Variants in FNDC3B observed in about 807,000 individuals in gnomAD.
The protein encoded by FNDC3B is fibronectin type III domain containing 3B.
Under a neutral mutation model 151.5 loss-of-function variants are expected in FNDC3B, and 12 were observed. The observed-to-expected ratio is 0.08, with a 90% CI of 0.05 to 0.13. The LOEUF (loss-of-function observed/expected upper bound fraction) is 0.13. Among genes scored for constraint, FNDC3B ranks in the 10% least tolerant of loss-of-function variants. FNDC3B has a pLI of 1.00. For synonymous variants in FNDC3B, 528 were observed against 549.0 expected (o/e 0.96, Z 0.54); for missense variants, 1,214 against 1,505.3 (o/e 0.81, Z 3.20).
intron 3 of FNDC3B, among the ~76,000 whole-genome samples, chr3:172,214,027 G>A (rs781371669): frequency 6.6e-5 from 10 of 152,108 alleles, no homozygotes; most frequent in African/African-American, 9.7e-5. Flanking sequence ...AAAGCAGTCT[G>A]GTGCCTCTCA....
intron 3 of FNDC3B, among the ~76,000 whole-genome samples, chr3:172,197,941 G>A (rs1560013574): frequency 6.6e-6 from 1 of 152,154 alleles, no homozygotes. Context: ...ATTTTGTAAG[G>A]TGGTAGTTCA....
intron 25 of FNDC3B, among the ~76,000 whole-genome samples, chr3:172,384,906 T>A (rs1735629729): frequency 6.6e-6 from 1 of 152,204 alleles, no homozygotes; most frequent in South Asian, 2.1e-4. Context: ...AAAGTGTTCC[T>A]TGTTGTAAAC....
intron 3 of FNDC3B, among the ~76,000 whole-genome samples, chr3:172,186,182 CT>C (rs1172308810): frequency 6.6e-6 from 1 of 152,070 alleles, no homozygotes; most frequent in Non-Finnish European, 1.5e-5. Context: ...GAACAAAAGC[CT>C]TTTTCTCTTA....
chr3:172,316,472 C>G (rs1731794019), intron 11 of FNDC3B: 1 of 455,818 alleles, frequency 2.2e-6, no homozygotes, highest in African/African-American at 2.0e-5. Flanking sequence ...TCTGCCCAGT[C>G]TGTTTTAATG....
chr3:172,064,986 T>C (rs920965156), intron 1 of FNDC3B, among the ~76,000 whole-genome samples: 2 of 152,194 alleles, frequency 1.3e-5, no homozygotes, highest in Non-Finnish European at 2.9e-5. Flanking sequence ...TGTGACCCCA[T>C]GTTTATTGCA....
chr3:172,045,321 TA>T (rs1196714626), intron 1 of FNDC3B, among the ~76,000 whole-genome samples: 1 of 152,222 alleles, frequency 6.6e-6, no homozygotes, highest in Non-Finnish European at 1.5e-5. Flanking sequence ...GTACTATACA[TA>T]AGTTGTCCCA....
At chr3:172,333,488 A>ATTTTTTTTTTTTTTTTT (rs748224819) in intron 14 of FNDC3B, among the ~76,000 whole-genome samples, 1 of 102,836 alleles carries the variant, frequency 9.7e-6, no homozygotes, top group Non-Finnish European at 1.9e-5. Context: ...TGCCCGGCTA[A>ATTTTTTTTTTTTTTTTT]TTTTTTTTTT....
chr3:172,179,835 G>T (rs896448890), intron 3 of FNDC3B, among the ~76,000 whole-genome samples: 2 of 127,470 alleles, frequency 1.6e-5, no homozygotes, highest in African/African-American at 6.2e-5. Context: ...TCCAGCCCAG[G>T]CAACAGAGTG....
intron 1 of FNDC3B, among the ~76,000 whole-genome samples, chr3:172,075,940 C>T (rs1211127979): frequency 6.6e-6 from 1 of 152,138 alleles, no homozygotes; most frequent in African/African-American, 2.4e-5. Flanking sequence ...AACACTACTC[C>T]ATAGCAACCC....
chr3:172,134,357 G>A (rs1275982030), intron 3 of FNDC3B: 5 of 518,306 alleles, frequency 9.6e-6, no homozygotes, highest in Admixed American at 1.9e-5. Flanking sequence ...GGTAAACACT[G>A]TAGTGTTAAA....
At chr3:172,041,657 T>C (rs1420019074) in intron 1 of FNDC3B, among the ~76,000 whole-genome samples, 1 of 152,086 alleles carries the variant, frequency 6.6e-6, no homozygotes. Flanking sequence ...GCAAAATTGC[T>C]TCGCTCTGTA....
intron 2 of FNDC3B, among the ~76,000 whole-genome samples, chr3:172,123,083 G>C (rs573496400): frequency 2.6e-4 from 39 of 152,292 alleles, no homozygotes; most frequent in Middle Eastern, 3.4e-3. Flanking sequence ...CTGTTCCCCA[G>C]GCTGTAGTAC....
chr3:172,083,747 G>A (rs1283705262), intron 1 of FNDC3B, among the ~76,000 whole-genome samples: 1 of 152,082 alleles, frequency 6.6e-6, no homozygotes, highest in Non-Finnish European at 1.5e-5. Flanking sequence ...GTATATTGAC[G>A]TCTTCTTACG....
intron 3 of FNDC3B, among the ~76,000 whole-genome samples, chr3:172,163,102 C>A (rs1722856540): frequency 6.6e-6 from 1 of 151,788 alleles, no homozygotes; most frequent in African/African-American, 2.4e-5. Flanking sequence ...TCTGTCTATA[C>A]AAAAATTTTT....
chr3:172,388,538 T>G (rs975354419), intron 25 of FNDC3B, among the ~76,000 whole-genome samples: 6 of 152,194 alleles, frequency 3.9e-5, no homozygotes, highest in African/African-American at 1.4e-4. Flanking sequence ...AGGGTGCCTT[T>G]GTCAAAATGA....
intron 22 of FNDC3B, among the ~76,000 whole-genome samples, chr3:172,358,046 T>G (rs1375368511): frequency 6.6e-6 from 1 of 152,208 alleles, no homozygotes; most frequent in East Asian, 1.9e-4. Flanking sequence ...GTAACCATAT[T>G]TGGCCCCTGT....
chr3:172,048,648 T>G (rs1716481514), intron 1 of FNDC3B, among the ~76,000 whole-genome samples: 1 of 152,208 alleles, frequency 6.6e-6, no homozygotes, highest in South Asian at 2.1e-4. Flanking sequence ...TAAAAGCCAG[T>G]GTTTATAGCA....
intron 1 of FNDC3B, among the ~76,000 whole-genome samples, chr3:172,057,395 A>G (rs1179729247): frequency 1.3e-5 from 2 of 152,146 alleles, no homozygotes; most frequent in Non-Finnish European, 2.9e-5. Flanking sequence ...TGTTGTTTGG[A>G]TGCACTTTTC....
intron 3 of FNDC3B, among the ~76,000 whole-genome samples, chr3:172,204,705 C>T (rs1183174723): frequency 3.9e-5 from 6 of 152,146 alleles, no homozygotes; most frequent in Non-Finnish European, 7.4e-5. Flanking sequence ...TCAGTTTAGT[C>T]ACTTTCTATA....
Sources: gnomAD v4.1 joint callset for allele counts (sites outside exome capture counted in the v4.1 genomes callset) on GRCh38, gnomAD v4.1.1 for gene constraint, MANE v1.5 for transcripts, NCBI Gene and HGNC (gene_info 2026-07-23, HGNC 2026-07-21) for gene names.